CCDC47: variants seen among roughly 807,000 people sequenced by gnomAD.
CCDC47 encodes the protein PAT complex subunit CCDC47.
A neutral mutation model predicts 60.5 loss-of-function variants in CCDC47; 41 were observed. The ratio of observed to expected loss-of-function variants is 0.68; its 90% CI spans 0.53 to 0.88. The LOEUF (loss-of-function observed/expected upper bound fraction) is 0.88. Ranked by LOEUF, CCDC47 falls within the 40% of genes least tolerant of loss-of-function variation. The pLI, the probability that CCDC47 is intolerant of heterozygous loss-of-function variation, is 0.00. For missense variants in CCDC47, 513 were observed against 580.9 expected (o/e 0.88, Z 1.20); for synonymous variants, 195 against 190.7 (o/e 1.02, Z -0.18).
chr17:63,761,324 G>C lies in CCDC47; in HGVS notation c.575C>G (p.Thr192Arg). The part of the protein sequence containing the change: ...VGDDGTNKEA[T>R]STGKLNQENE... ...CTCCTGGTTCAACTTTCCTGTGCTTGTGGCTTCTTTGTTAGTTCCATCATC... is the reference window on the plus strand; with the variant it reads ...CTCCTGGTTCAACTTTCCTGTGCTTCTGGCTTCTTTGTTAGTTCCATCATC... The change falls in exon 5 of 13, where the codon ACA (threonine) becomes AGA (arginine). Residue 192 changes from threonine (T) to arginine (R), a missense_variant. Coordinates refer to ENST00000225726, the MANE Select transcript of CCDC47 (RefSeq NM_020198.3). 1 of 1,614,020 alleles carries C rather than the reference G, an allele frequency of 6.2e-7. No homozygotes were observed. Among genetic ancestry groups the C allele is most frequent in the South Asian group, 1.1e-5 (1 of 91,084 alleles).
rs559124385 is a variant in CCDC47 at position 63,759,421 on chromosome 17, G to A, written c.735+1493C>T. Among the ~76,000 whole-genome samples, 473 of 141,294 alleles carry A rather than the reference G, an allele frequency of 3.3e-3. 4 individuals carry two copies. Among genetic ancestry groups the A allele is most frequent in the Middle Eastern group, 0.011 (3 of 272 alleles). The allele number at this position is 141,294 out of a possible 152,430, so 92.7% of individuals were successfully genotyped here. A position where few individuals can be genotyped will look rare whatever the true frequency, so the allele number is the denominator to read the frequency against. ...GGAAAATCGCTTGAACCCTGGAGGC[G>A]GAGGTTGCAGTGAGCCAAGGTCAAG... is the stretch of plus-strand genomic sequence containing the variant. On this transcript the variant is annotated intron_variant, in intron 6 of 12. Transcript: ENST00000225726.
Position 63,746,975 on chromosome 17 carries a change from G to A in CCDC47, c.1372-14C>T. 2 of 1,612,058 alleles carry A rather than the reference G, an allele frequency of 1.2e-6. No individual in the cohort carries two copies. Among genetic ancestry groups the A allele is most frequent in the Non-Finnish European group, 1.7e-6 (2 of 1,178,860 alleles). On this transcript the variant is annotated splice_polypyrimidine_tract_variant and intron_variant, in intron 12 of 12. Coordinates refer to ENST00000225726, the MANE Select transcript of CCDC47 (RefSeq NM_020198.3). ...CAATGCAGCCTCCTAGAGAAAGAAG[G>A]GGTAATAAATAGAGAAAGGGAGTGG...
chr17:63,755,932 A>G (rs2039202174), intron 8 of CCDC47, among the ~76,000 whole-genome samples: 1 of 152,038 alleles, frequency 6.6e-6, no homozygotes, highest in South Asian at 2.1e-4. Flanking sequence ...TCAAAAAAAA[A>G]AAAAAAAAAG....
Position 63,751,365 on chromosome 17 carries a change from C to CAAAAA in CCDC47, c.1371+570_1371+574dup, listed in dbSNP as rs59161342. On this transcript the variant is annotated intron_variant, in intron 12 of 12. Transcript: ENST00000225726. Reference sequence around the variant, plus strand: ...TGGGTGACAGAGTGAGACTCCATCTCAAAAAAAAAAAAAAAAAAAAAAAAA... The same window carrying CAAAAA: ...TGGGTGACAGAGTGAGACTCCATCTCAAAAAAAAAAAAAAAAAAAAAAAAAAAAAA... 1.8e-3 allele frequency among the ~76,000 whole-genome samples: 54 copies of CAAAAA among 29,512 alleles called. 15 individuals carry two copies. In the East Asian group the frequency reaches 0.021, roughly 12 times the overall value. The allele number at this position is 29,512 out of a possible 152,430, so 19.4% of individuals were successfully genotyped here.
chr17:63,747,688 C>T (rs2039130985), intron 12 of CCDC47: 2 of 985,036 alleles, frequency 2.0e-6, no homozygotes, highest in South Asian at 4.7e-5. Context: ...TTTTAGGGTA[C>T]TGGGGTAAAA....
chr17:63,762,170 TTCTC>T (rs2039266286), intron 4 of CCDC47: 10 of 984,668 alleles, frequency 1.0e-5, no homozygotes, highest in African/African-American at 1.7e-5. Context: ...TTCCAATACT[TTCTC>T]TCTTCATTTA....
chr17:63,761,355 G>C lies in CCDC47; in HGVS notation c.548-4C>G, dbSNP rs1184426475. 6.2e-7 allele frequency: 1 copy of C among 1,613,652 alleles called. No homozygotes were observed. Among genetic ancestry groups the C allele is most frequent in the South Asian group, 1.1e-5 (1 of 91,056 alleles). ...TCTTTGTTAGTTCCATCATCCCCTAGGGGTAAAACCACTTAATGTGACTCA... is the reference window on the plus strand; with the variant it reads ...TCTTTGTTAGTTCCATCATCCCCTACGGGTAAAACCACTTAATGTGACTCA... On this transcript the variant is annotated splice_polypyrimidine_tract_variant and splice_region_variant and intron_variant, in intron 4 of 12. Coordinates refer to ENST00000225726, the MANE Select transcript of CCDC47 (RefSeq NM_020198.3).
chr17:63,761,535 AAAT>A, intron 4 of CCDC47, 184 bp from the exon 5 acceptor site: 1 of 433,750 alleles, frequency 2.3e-6, no homozygotes, highest in Non-Finnish European at 3.9e-6. Flanking sequence ...AAAAAAAAAA[AAAT>A]TATAAAAAAT....
intron 1 of CCDC47, chr17:63,766,651 T>C (rs1296170406): frequency 1.1e-5 from 2 of 180,022 alleles, no homozygotes; most frequent in Non-Finnish European, 2.1e-5. Flanking sequence ...TGTGAACTCC[T>C]GACCTCAGGG....
At position 63,766,193 on chromosome 17, in the gene CCDC47, AGCTT is replaced by A. The variant is rs1258643378; in HGVS notation, c.-19-3_-19del. 16 of 1,588,432 alleles carry A rather than the reference AGCTT, an allele frequency of 1.0e-5. No homozygotes were observed. In the Admixed American group the frequency reaches 1.3e-4, roughly 13 times the overall value. On this transcript the variant is annotated splice_acceptor_variant and splice_polypyrimidine_tract_variant and 5_prime_UTR_variant and intron_variant, in exon 2 of 13. Coordinates refer to ENST00000225726, the MANE Select transcript of CCDC47 (RefSeq NM_020198.3). LOFTEE classifies it low-confidence loss of function (5UTR_SPLICE). The stretch of plus-strand genomic sequence containing the variant: ...GCTTTCATTGCACCTTGAGAAAAAA[AGCTT>A]AAAAAAAAAGAGAACCCCAAAATGG...
intron 3 of CCDC47, 27 bp from the exon 4 acceptor site, chr17:63,764,217 A>G (rs2039281420): frequency 1.9e-6 from 3 of 1,538,842 alleles, no homozygotes; most frequent in Non-Finnish European, 2.6e-6. Flanking sequence ...ATTCCATTAA[A>G]TGTTGGCTGA....
intron 5 of CCDC47, 52 bp downstream of exon 5, chr17:63,761,178 A>G (rs200115154): frequency 6.2e-7 from 1 of 1,610,272 alleles, no homozygotes; most frequent in Non-Finnish European, 8.5e-7. Context: ...GGGAATCACA[A>G]CTGGACAAAA....
At chr17:63,761,137 A>C in intron 5 of CCDC47, 93 bp downstream of exon 5, 1 of 1,521,502 alleles carries the variant, frequency 6.6e-7, no homozygotes, top group Non-Finnish European at 9.1e-7. Context: ...TAAGTCAAAC[A>C]TGAAGGGATA....
At chr17:63,770,575 T>A (rs1000180475) in intron 1 of CCDC47, among the ~76,000 whole-genome samples, 14 of 152,218 alleles carry the variant, frequency 9.2e-5, no homozygotes, top group Non-Finnish European at 1.0e-4. Context: ...TTCAAGGTGC[T>A]CTGAGATGGA....
Position 63,771,045 on chromosome 17 carries a change from G to GAAAGAAAGA in CCDC47, c.-20+2366_-20+2367insTCTTTCTTT, listed in dbSNP as rs56378189. ...GGAAGGAAGGAAGGAAGGAAGGAAG[G>GAAAGAAAGA]AAGAAAGAAAGAAAGAAATTAAATG... On this transcript the variant is annotated intron_variant, in intron 1 of 12. Transcript: ENST00000225726. Among the ~76,000 whole-genome samples, 317 of 97,826 alleles carry GAAAGAAAGA rather than the reference G, an allele frequency of 3.2e-3. 3 individuals are homozygous for GAAAGAAAGA. Among genetic ancestry groups the GAAAGAAAGA allele is most frequent in the Middle Eastern group, 5.5e-3 (1 of 182 alleles). The allele number at this position is 97,826 out of a possible 152,430, so 64.2% of individuals were successfully genotyped here.
intron 9 of CCDC47, 36 bp downstream of exon 9, chr17:63,754,397 G>A (rs1362064658): frequency 7.8e-7 from 1 of 1,281,318 alleles, no homozygotes; most frequent in South Asian, 1.2e-5. Flanking sequence ...AAGCTAGTGA[G>A]GAAAATTAAT....
chr17:63,766,177 G>T lies in CCDC47; in HGVS notation c.-2C>A. Reference sequence around the variant, plus strand: ...ACAGAAAGTGTGGAAGGCTTTCATTGCACCTTGAGAAAAAAAGCTTAAAAA... The same window carrying T: ...ACAGAAAGTGTGGAAGGCTTTCATTTCACCTTGAGAAAAAAAGCTTAAAAA... On this transcript the variant is annotated 5_prime_UTR_variant, in exon 2 of 13. Coordinates refer to ENST00000225726, the MANE Select transcript of CCDC47 (RefSeq NM_020198.3). 1 of 1,595,844 alleles carries T rather than the reference G, an allele frequency of 6.3e-7. No individual in the cohort carries two copies.
rs1485900485 is a variant in CCDC47 at position 63,752,753 on chromosome 17, A to G, written c.1081T>C (p.Phe361Leu). The change falls in exon 10 of 13, where the codon TTT becomes CTT. Residue 361 changes from phenylalanine to leucine, a missense_variant. Coordinates refer to ENST00000225726, the MANE Select transcript of CCDC47 (RefSeq NM_020198.3). ...KLPDTKRTLL[F>L]TFNVPGSGNT... The stretch of plus-strand genomic sequence containing the variant: ...CCAGAATACTTACCATTAAATGTAA[A>G]CAACAGTGTCCTCTTAGTGTCAGGT... 1.9e-6 allele frequency: 3 copies of G among 1,612,266 alleles called. No individual in the cohort carries two copies. The Admixed American group carries it at 5.0e-5, about 27-fold the overall frequency.
chr17:63,748,466 C>T (rs2039137156), intron 12 of CCDC47, among the ~76,000 whole-genome samples: 2 of 152,056 alleles, frequency 1.3e-5, no homozygotes, highest in Middle Eastern at 3.4e-3. Flanking sequence ...CTCTTGTTCC[C>T]CAGGCTGGAG....
Sources: gnomAD v4.1 joint callset for allele counts (sites outside exome capture counted in the v4.1 genomes callset) on GRCh38, gnomAD v4.1.1 for gene constraint, MANE v1.5 for transcripts, NCBI Gene and HGNC (gene_info 2026-07-23, HGNC 2026-07-21) for gene names.